Variants in MAST4 observed in about 807,000 individuals in gnomAD.
MAST4 encodes the protein microtubule associated serine/threonine kinase family member 4.
A neutral mutation model predicts 162.7 loss-of-function variants in MAST4; 89 were observed. The ratio of observed to expected loss-of-function variants is 0.55; its 90% CI spans 0.46 to 0.65. MAST4 has a LOEUF of 0.65. MAST4 is among the 30% of genes least tolerant of loss of function. MAST4 has a pLI of 0.00. For missense variants in MAST4, 3,153 were observed against 3,374.0 expected, an observed-to-expected ratio of 0.93 and a Z score of 1.62; for synonymous variants, 1,479 against 1,361.1, an observed-to-expected ratio of 1.09 and a Z score of -1.91.
At chr5:67,027,699 T>C (rs2150415509) in intron 4 of MAST4, among the ~76,000 whole-genome samples, 1 of 152,320 alleles carries the variant, frequency 6.6e-6, no homozygotes, top group East Asian at 1.9e-4. Context: ...TGAATAGAGT[T>C]GGATGAAGAA....
At chr5:67,050,963 G>C (rs468390) in intron 4 of MAST4, among the ~76,000 whole-genome samples, 22,729 of 152,144 alleles carry the variant, frequency 0.15, 1,758 homozygotes, top group Middle Eastern at 0.22. Flanking sequence ...GAATGTATTT[G>C]GGGATGGAAT....
chr5:67,163,251 CT>C lies in MAST4; in HGVS notation c.4073del (p.Leu1358ProfsTer71). 6.2e-7 allele frequency: 1 copy of C among 1,613,744 alleles called. No individual in the cohort carries two copies. The highest frequency in any genetic ancestry group is 8.5e-7 in the Non-Finnish European group (1 of 1,179,892). ...CACTCTCCACGGTCTTGCACCCAAA[CT>C]CGGCGGGCAGCGGTACCGGTCCGGA... is the stretch of plus-strand genomic sequence containing the variant. The part of the protein sequence containing the change: ...PSTLHGLAPK[L>X]GGQRYRSGRR... On this transcript the variant is annotated frameshift_variant, in exon 29 of 29. Coordinates refer to ENST00000403625, the MANE Select transcript of MAST4 (RefSeq NM_001164664.2). LOFTEE classifies it low-confidence loss of function (END_TRUNC). The surrounding 1 kb of genome is among the most constrained non-coding windows in gnomAD (Gnocchi z 7.0).
At chr5:67,036,683 A>G (rs181176878) in intron 4 of MAST4, among the ~76,000 whole-genome samples, 20 of 152,310 alleles carry the variant, frequency 1.3e-4, no homozygotes, top group Admixed American at 9.8e-4. Context: ...ACCGTATTGT[A>G]TAGGGAATAA....
At chr5:66,922,700 A>T (rs1489242055) in intron 4 of MAST4, among the ~76,000 whole-genome samples, 19 of 152,236 alleles carry the variant, frequency 1.2e-4, no homozygotes, top group Admixed American at 1.2e-3. Context: ...AGAAAACTTC[A>T]AAAGTGAAGC....
chr5:66,786,069 A>G (rs538420005), intron 2 of MAST4, among the ~76,000 whole-genome samples: 4 of 152,018 alleles, frequency 2.6e-5, no homozygotes, highest in Admixed American at 6.5e-5. Context: ...GGACCTCACT[A>G]TGTTGCCCAG....
At chr5:67,054,317 A>C (rs1758539094) in intron 4 of MAST4, 87 bp from the exon 5 acceptor site, 3 of 1,109,660 alleles carry the variant, frequency 2.7e-6, no homozygotes, top group Non-Finnish European at 3.8e-6. Flanking sequence ...TAGGTTGCTC[A>C]ACCTGGTCCA....
chr5:67,010,547 A>G (rs1400150788), intron 4 of MAST4, among the ~76,000 whole-genome samples: 2 of 152,166 alleles, frequency 1.3e-5, no homozygotes, highest in African/African-American at 4.8e-5. Flanking sequence ...GTGCCAAAAT[A>G]ATAAACACGG....
rs376690604 is a variant in MAST4 at position 66,823,540 on chromosome 5, C to T, written c.642+34746C>T. ...TTGCTCGGGCAGGAGTGCAGTGGCG[C>T]GATCTCGGCTCACTGCAACCTCCAC... is the stretch of plus-strand genomic sequence containing the variant. On this transcript the variant is annotated intron_variant, in intron 3 of 28. Transcript: ENST00000403625. Among the ~76,000 whole-genome samples, 36 of 152,198 alleles carry T rather than the reference C, an allele frequency of 2.4e-4. No homozygotes were observed. In the South Asian group the frequency reaches 5.2e-3, roughly 22 times the overall value.
At chr5:66,939,551 A>G (rs1237825027) in intron 4 of MAST4, among the ~76,000 whole-genome samples, 9 of 152,090 alleles carry the variant, frequency 5.9e-5, no homozygotes, top group Admixed American at 5.9e-4. Flanking sequence ...ATACCAATTC[A>G]TATTTTGCCA....
chr5:67,078,886 T>TTATATAAA (rs1762114064), intron 5 of MAST4, among the ~76,000 whole-genome samples: 2 of 76,414 alleles, frequency 2.6e-5, no homozygotes, highest in South Asian at 3.9e-4. Flanking sequence ...ATAAATATAT[T>TTATATAAA]TATATATTTA....
At chr5:67,140,766 C>G (rs1770282841) in intron 19 of MAST4, among the ~76,000 whole-genome samples, 1 of 152,236 alleles carries the variant, frequency 6.6e-6, no homozygotes, top group South Asian at 2.1e-4. Flanking sequence ...CCTGTAGTAT[C>G]TAGTGCAATA....
At chr5:66,715,539 A>T (rs57374220) in intron 1 of MAST4, among the ~76,000 whole-genome samples, 1 of 124,434 alleles carries the variant, frequency 8.0e-6, no homozygotes. Context: ...GGGAGGGGGG[A>T]GGTATAGCAT....
In MAST4 at chr5:66,759,600, A is replaced by G. The variant is rs572432856; in HGVS notation, c.364-109A>G. The G allele has an allele frequency of 8.1e-6, 11 of 1,362,756 alleles. No homozygotes were observed. The South Asian group carries it at 1.3e-4, about 16-fold the overall frequency. The allele number at this position is 1,362,756 out of a possible 1,614,324, so 84.4% of individuals were successfully genotyped here. Reference sequence around the variant, plus strand: ...CAAAATTGAACACAGTGTTGGGAGAATGGAGTTTGAGAAGGAAAAGAAAGG... The same window carrying G: ...CAAAATTGAACACAGTGTTGGGAGAGTGGAGTTTGAGAAGGAAAAGAAAGG... On this transcript the variant is annotated intron_variant, in intron 1 of 28. Transcript: ENST00000403625.
intron 5 of MAST4, among the ~76,000 whole-genome samples, chr5:67,054,751 A>G (rs151006324): frequency 0.01 from 1,539 of 152,294 alleles, 8 homozygotes; most frequent in Admixed American, 0.015. Context: ...AAATGCCTGG[A>G]TGATACAAGA....
chr5:66,714,824 T>C (rs1032521572), intron 1 of MAST4, among the ~76,000 whole-genome samples: 2 of 152,348 alleles, frequency 1.3e-5, no homozygotes, highest in Admixed American at 1.3e-4. Context: ...TGTGGTACTT[T>C]GTGGTCCCCA....
intron 4 of MAST4, among the ~76,000 whole-genome samples, chr5:67,040,170 TGA>T (rs1184402630): frequency 1.3e-5 from 2 of 152,208 alleles, no homozygotes; most frequent in African/African-American, 4.8e-5. Context: ...TCTTGAACAC[TGA>T]GAGTGAGTTA....
In MAST4 at chr5:66,797,440, G is replaced by T. The variant is rs140225624; in HGVS notation, c.642+8646G>T. The stretch of plus-strand genomic sequence containing the variant: ...GTAGTGGTAATTATACTTATTCCGG[G>T]TTCATTGGCACCTGAAGCTTCAGTC... On this transcript the variant is annotated intron_variant, in intron 3 of 28. Transcript: ENST00000403625. Among the ~76,000 whole-genome samples the T allele has an allele frequency of 2.6e-3, 391 of 152,254 alleles. 2 individuals carry two copies. The highest frequency in any genetic ancestry group is 9.1e-3 in the African/African-American group (380 of 41,544).
rs765320426 is a variant in MAST4 at position 66,596,707 on chromosome 5, G to C, written c.52G>C (p.Gly18Arg). The change falls in exon 1 of 29, where the codon GGC becomes CGC. Residue 18 changes from glycine to arginine, a missense_variant. Gly to Arg is a moderately radical substitution (Grantham distance 125). Around this residue, in one of 7 missense-constraint regions of MAST4, gnomAD observed 327 missense variants for 336.5 expected, o/e 0.97. Coordinates refer to ENST00000403625, the MANE Select transcript of MAST4 (RefSeq NM_001164664.2). ...APEPVPRGCS[G>R]HGSRTPASAL... The stretch of plus-strand genomic sequence containing the variant: ...AGAGCCGGTGCCCCGCGGCTGCAGT[G>C]GCCACGGCAGCCGGACTCCAGCCTC... 5 of 1,456,060 alleles carry C rather than the reference G, an allele frequency of 3.4e-6. No homozygotes were observed. The highest frequency in any genetic ancestry group is 4.5e-6 in the Non-Finnish European group (5 of 1,105,366). 90.2% of individuals were successfully genotyped at this position (1,456,060 alleles called of 1,614,324 possible).
At chr5:66,677,917 C>T (rs970308680) in intron 1 of MAST4, among the ~76,000 whole-genome samples, 1 of 152,168 alleles carries the variant, frequency 6.6e-6, no homozygotes, top group East Asian at 1.9e-4. Context: ...TGCAGATTCC[C>T]GCATCCAATC....
Sources: gnomAD v4.1 joint callset for allele counts (sites outside exome capture counted in the v4.1 genomes callset) on GRCh38, gnomAD v4.1.1 for gene constraint, gnomAD v4.1.1 regional missense constraint, Gnocchi (gnomAD v3.1) non-coding constraint, MANE v1.5 for transcripts, NCBI Gene and HGNC (gene_info 2026-07-23, HGNC 2026-07-21) for gene names.